ATRNL1: variants seen among roughly 807,000 people sequenced by gnomAD.
The protein encoded by ATRNL1 is attractin like 1.
ATRNL1 carries 95 observed loss-of-function variants against 182.7 expected under a neutral mutation model. The ratio of observed to expected loss-of-function variants is 0.52; its 90% confidence interval spans 0.44 to 0.62. The LOEUF is 0.62. Among genes scored for constraint, ATRNL1 ranks in the 20% least tolerant of loss-of-function variants. The pLI is 0.00. For synonymous variants in ATRNL1, 576 were observed against 568.3 expected, an observed-to-expected ratio of 1.01 and a Z score of -0.19; for missense variants, 1,471 against 1,679.5, an observed-to-expected ratio of 0.88 and a Z score of 2.17.
In ATRNL1 at chr10:115,727,315, T is replaced by C. The variant is rs915019337; in HGVS notation, c.3863T>C (p.Val1288Ala). 6.2e-7 allele frequency: 1 copy of C among 1,614,094 alleles called. No individual in the cohort carries two copies. Among genetic ancestry groups the C allele is most frequent in the East Asian group, 2.2e-5 (1 of 44,872 alleles). ...PFASVDVALE[V>A]GAEQTEFLRG... Reference sequence around the variant, plus strand: ...GCTTCTGTTGATGTAGCTCTGGAAGTGGGAGCTGAACAAACAGAGTTTCTG... The same window carrying C: ...GCTTCTGTTGATGTAGCTCTGGAAGCGGGAGCTGAACAAACAGAGTTTCTG... Residue 1288 changes from valine to alanine, a missense_variant, in exon 27 of 29, where the codon GTG becomes GCG. This residue lies in a region of ATRNL1 where 437 missense variants were observed against 506.0 expected (regional missense o/e 0.86). Coordinates refer to ENST00000355044, the MANE Select transcript of ATRNL1 (RefSeq NM_207303.4).
rs922895517 is a variant in ATRNL1, at chr10:115,207,851, C to T, written c.1349-7846C>T. 2.0e-5 allele frequency among the ~76,000 whole-genome samples: 3 copies of T among 151,886 alleles called. No homozygotes were observed. The Admixed American group carries it at 2.0e-4, about 10-fold the overall frequency. Reference sequence around the variant, plus strand: ...ATATTTCCCACTCCCCCATCCCGATCTTGTGTGTATTTTGTTGCATTTCTC... The same window carrying T: ...ATATTTCCCACTCCCCCATCCCGATTTTGTGTGTATTTTGTTGCATTTCTC... On this transcript the variant is annotated intron_variant, in intron 8 of 28. Coordinates refer to ENST00000355044, the MANE Select transcript of ATRNL1 (RefSeq NM_207303.4).
chr10:115,424,189 C>T (rs1845775840), intron 20 of ATRNL1, among the ~76,000 whole-genome samples: 2 of 152,152 alleles, frequency 1.3e-5, no homozygotes, highest in Non-Finnish European at 2.9e-5. Context: ...AACTCAACGT[C>T]ACTCATCATT....
At chr10:115,808,980 A>T (rs1468849662) in intron 27 of ATRNL1, among the ~76,000 whole-genome samples, 1 of 151,926 alleles carries the variant, frequency 6.6e-6, no homozygotes, top group Non-Finnish European at 1.5e-5. Flanking sequence ...TATTATATTT[A>T]GGTCTGTATT....
At chr10:115,840,277 A>C (rs1249934410) in intron 27 of ATRNL1, among the ~76,000 whole-genome samples, 1 of 152,120 alleles carries the variant, frequency 6.6e-6, no homozygotes, top group Non-Finnish European at 1.5e-5. Context: ...TCAAGGCTGA[A>C]TTTCTTAATT....
At chr10:115,751,717 T>A (rs782186445) in intron 27 of ATRNL1, among the ~76,000 whole-genome samples, 2 of 152,084 alleles carry the variant, frequency 1.3e-5, no homozygotes, top group Non-Finnish European at 2.9e-5. Context: ...AAAGTTTTCA[T>A]CTTATGCTGT....
At chr10:115,325,869 T>C (rs1222736262) in intron 18 of ATRNL1, among the ~76,000 whole-genome samples, 1 of 152,124 alleles carries the variant, frequency 6.6e-6, no homozygotes, top group Non-Finnish European at 1.5e-5. Flanking sequence ...GTGCTAAATT[T>C]AGCTGTCTTA....
At position 115,246,653 on chromosome 10, in the gene ATRNL1, T is replaced by C. The variant is rs1398384619; in HGVS notation, c.1687+4928T>C. Among the ~76,000 whole-genome samples the C allele has an allele frequency of 5.4e-5, 4 of 73,788 alleles. 1 individual carries two copies. Among genetic ancestry groups the C allele is most frequent in the African/African-American group, 2.6e-4 (4 of 15,380 alleles). The allele number at this position is 73,788 out of a possible 152,430, so 48.4% of individuals were successfully genotyped here. A position where few individuals can be genotyped will look rare whatever the true frequency, so the allele number is the denominator to read the frequency against. ...TCGGCTCACTGCAAGCTCCACTTCCTGGGTTCACGCCATTCTCCTGCCTCA... is the reference window on the plus strand; with the variant it reads ...TCGGCTCACTGCAAGCTCCACTTCCCGGGTTCACGCCATTCTCCTGCCTCA... On this transcript the variant is annotated intron_variant, in intron 10 of 28. Transcript: ENST00000355044.
At chr10:115,516,775 C>T (rs1554983984) in intron 24 of ATRNL1, among the ~76,000 whole-genome samples, 1 of 151,922 alleles carries the variant, frequency 6.6e-6, no homozygotes, top group East Asian at 1.9e-4. Context: ...GAAACCTCTA[C>T]CAACAGATAT....
chr10:115,448,377 C>G (rs1382120419), intron 21 of ATRNL1, among the ~76,000 whole-genome samples: 1 of 151,906 alleles, frequency 6.6e-6, no homozygotes, highest in Non-Finnish European at 1.5e-5. Context: ...GCAGTCAGGA[C>G]AAAGAAAATT....
intron 27 of ATRNL1, among the ~76,000 whole-genome samples, chr10:115,764,931 C>T (rs1015707812): frequency 2.0e-5 from 3 of 152,226 alleles, no homozygotes; most frequent in African/African-American, 7.2e-5. Flanking sequence ...GCCTTGGCCT[C>T]CCAAATCGCT....
At chr10:115,391,375 C>G (rs782195149) in intron 19 of ATRNL1, among the ~76,000 whole-genome samples, 2 of 152,090 alleles carry the variant, frequency 1.3e-5, no homozygotes, top group African/African-American at 2.4e-5. Flanking sequence ...AATGCAGGGA[C>G]TAGTCTGGTA....
chr10:115,689,579 C>G (rs1366728597), intron 26 of ATRNL1, among the ~76,000 whole-genome samples: 1 of 152,178 alleles, frequency 6.6e-6, no homozygotes, highest in Admixed American at 6.5e-5. Flanking sequence ...ACAGCATACA[C>G]TGGCACCAGT....
At chr10:115,687,170 C>T (rs1469512782) in intron 26 of ATRNL1, among the ~76,000 whole-genome samples, 2 of 152,034 alleles carry the variant, frequency 1.3e-5, no homozygotes, top group African/African-American at 4.8e-5. Flanking sequence ...ACACATTATG[C>T]TATAATTATA....
At chr10:115,164,989 A>G (rs140286487) in intron 6 of ATRNL1, among the ~76,000 whole-genome samples, 2 of 152,218 alleles carry the variant, frequency 1.3e-5, no homozygotes, top group East Asian at 3.9e-4. Context: ...TGCTCCCAAC[A>G]CAAAGAAGAG....
At chr10:115,498,839 T>G (rs1461343411) in intron 24 of ATRNL1, among the ~76,000 whole-genome samples, 1 of 152,062 alleles carries the variant, frequency 6.6e-6, no homozygotes, top group African/African-American at 2.4e-5. Flanking sequence ...GCTTTACTCT[T>G]AGACTGTTGG....
At chr10:115,400,307 G>C (rs1181774136) in intron 20 of ATRNL1, among the ~76,000 whole-genome samples, 2 of 152,074 alleles carry the variant, frequency 1.3e-5, no homozygotes, top group African/African-American at 2.4e-5. Context: ...TGTGGTCCAA[G>C]AGACTGTAAT....
intron 27 of ATRNL1, among the ~76,000 whole-genome samples, chr10:115,747,827 T>C (rs781854876): frequency 1.3e-5 from 2 of 152,012 alleles, no homozygotes; most frequent in Admixed American, 1.3e-4. Context: ...GCACATTCAG[T>C]ATCTGGTGAG....
At chr10:115,232,745 G>C (rs1592296624) in intron 9 of ATRNL1, among the ~76,000 whole-genome samples, 1 of 152,004 alleles carries the variant, frequency 6.6e-6, no homozygotes, top group Non-Finnish European at 1.5e-5. Flanking sequence ...AGTGCTCCCA[G>C]AACTATTTAT....
chr10:115,094,161 G>A (rs2084951942), intron 1 of ATRNL1, 118 bp downstream of exon 1: 1 of 1,063,590 alleles, frequency 9.4e-7, no homozygotes, highest in Non-Finnish European at 1.2e-6. Context: ...CCGGCCGTGA[G>A]TGAACCTCAG....
Sources: allele counts gnomAD v4.1 joint callset (sites outside exome capture counted in the v4.1 genomes callset), GRCh38; gene constraint gnomAD v4.1.1; regional missense constraint gnomAD v4.1.1; transcripts MANE v1.5; gene names NCBI Gene and HGNC (gene_info 2026-07-23, HGNC 2026-07-21).